The following DOCK4 variants were observed in gnomAD, a reference collection of about 807,000 sequenced individuals.
DOCK4 encodes dedicator of cytokinesis 4, also known as dedicator of cytokinesis protein 4.
A neutral mutation model predicts 268.1 loss-of-function variants in DOCK4; 97 were observed. That is an observed-to-expected ratio of 0.36 (90% CI 0.31 to 0.43). The LOEUF (loss-of-function observed/expected upper bound fraction) is 0.43. Among genes scored for constraint, DOCK4 ranks in the 20% least tolerant of loss-of-function variants. The probability of loss-of-function intolerance (pLI) is 1.00; values close to 1 mark genes in which losing one functional copy is unlikely to be tolerated. For missense variants in DOCK4, 2,145 were observed against 2,455.7 expected, an observed-to-expected ratio of 0.87 and a Z score of 2.67; for synonymous variants, 954 against 887.2, an observed-to-expected ratio of 1.08 and a Z score of -1.34.
intron 1 of DOCK4, among the ~76,000 whole-genome samples, chr7:112,118,707 G>A (rs905375811): frequency 1.3e-5 from 2 of 151,996 alleles, no homozygotes; most frequent in African/African-American, 4.8e-5. Flanking sequence ...CCAGTCCTGA[G>A]CCTGTCTTCA....
chr7:111,839,597 T>C (rs1803509746), intron 25 of DOCK4, among the ~76,000 whole-genome samples: 1 of 152,242 alleles, frequency 6.6e-6, no homozygotes, highest in South Asian at 2.1e-4. Flanking sequence ...ATCTGACTTA[T>C]GCCCATTGCA....
At chr7:111,942,446 G>C in intron 10 of DOCK4, among the ~76,000 whole-genome samples, 1 of 152,124 alleles carries the variant, frequency 6.6e-6, no homozygotes, top group Middle Eastern at 3.2e-3. Flanking sequence ...CAGTATGTCA[G>C]CATGTTCAGC....
intron 8 of DOCK4, among the ~76,000 whole-genome samples, chr7:111,963,210 T>C (rs934897401): frequency 4.6e-5 from 7 of 152,078 alleles, no homozygotes; most frequent in Non-Finnish European, 5.9e-5. Flanking sequence ...GGAGCCAAGA[T>C]GGCCGAATAG....
intron 1 of DOCK4, among the ~76,000 whole-genome samples, chr7:112,153,757 T>A (rs1816324253): frequency 6.6e-6 from 1 of 152,142 alleles, no homozygotes; most frequent in Non-Finnish European, 1.5e-5. Context: ...GAAGGACACA[T>A]TGTCCCAGCA....
At chr7:112,099,429 C>G (rs1810469731) in intron 1 of DOCK4, among the ~76,000 whole-genome samples, 1 of 151,770 alleles carries the variant, frequency 6.6e-6, no homozygotes, top group Middle Eastern at 3.2e-3. Flanking sequence ...TTCTCTTTAA[C>G]AGAAAAAAGT....
At chr7:111,874,491 A>G (rs1806679681) in intron 17 of DOCK4, among the ~76,000 whole-genome samples, 1 of 152,202 alleles carries the variant, frequency 6.6e-6, no homozygotes, top group South Asian at 2.1e-4. Flanking sequence ...ATGATGGAGC[A>G]TGTGGAAAAG....
At chr7:112,142,028 A>G (rs1814980650) in intron 1 of DOCK4, among the ~76,000 whole-genome samples, 1 of 152,188 alleles carries the variant, frequency 6.6e-6, no homozygotes, top group East Asian at 1.9e-4. Context: ...ATTTAACTCT[A>G]TGAAGAGCAA....
chr7:111,927,935 T>A (rs1793866440), intron 12 of DOCK4, among the ~76,000 whole-genome samples: 1 of 152,196 alleles, frequency 6.6e-6, no homozygotes, highest in African/African-American at 2.4e-5. Flanking sequence ...AACAAAGTGT[T>A]GCAGAGAAGA....
At chr7:112,191,548 G>C (rs1819953834) in intron 1 of DOCK4, among the ~76,000 whole-genome samples, 1 of 152,102 alleles carries the variant, frequency 6.6e-6, no homozygotes, top group Non-Finnish European at 1.5e-5. Flanking sequence ...ACATAATACT[G>C]GTATTAACAC....
intron 13 of DOCK4, among the ~76,000 whole-genome samples, chr7:111,902,761 T>G (rs1213522654): frequency 6.6e-6 from 1 of 150,790 alleles, no homozygotes; most frequent in Non-Finnish European, 1.5e-5. Flanking sequence ...TGTTTTCTTT[T>G]TTCTTTTCTT....
intron 1 of DOCK4, among the ~76,000 whole-genome samples, chr7:112,140,613 A>G (rs1466868012): frequency 6.6e-6 from 1 of 152,066 alleles, no homozygotes; most frequent in African/African-American, 2.4e-5. Context: ...AAAAAAAAAA[A>G]AAAGTTAAAA....
At chr7:111,879,159 C>T (rs1807166090) in intron 16 of DOCK4, among the ~76,000 whole-genome samples, 1 of 151,950 alleles carries the variant, frequency 6.6e-6, no homozygotes, top group Admixed American at 6.6e-5. Context: ...TAAGATAGGG[C>T]ACTGGGCAGA....
intron 1 of DOCK4, among the ~76,000 whole-genome samples, chr7:112,171,440 C>T (rs1818073104): frequency 9.1e-6 from 1 of 109,624 alleles, no homozygotes; most frequent in South Asian, 3.5e-4. Context: ...AACTTTTTTC[C>T]TTTATCTTTT....
At chr7:112,101,730 C>T (rs1269291898) in intron 1 of DOCK4, among the ~76,000 whole-genome samples, 1 of 152,202 alleles carries the variant, frequency 6.6e-6, no homozygotes, top group African/African-American at 2.4e-5. Context: ...CGTTCTTGAA[C>T]TTTCTGCTTT....
At chr7:112,081,115 C>A (rs918986908) in intron 1 of DOCK4, among the ~76,000 whole-genome samples, 4 of 151,990 alleles carry the variant, frequency 2.6e-5, no homozygotes, top group African/African-American at 7.2e-5. Flanking sequence ...AATACTGAGA[C>A]AGGAAGGCGG....
intron 42 of DOCK4, among the ~76,000 whole-genome samples, chr7:111,754,478 A>G (rs931605309): frequency 2.0e-5 from 3 of 152,214 alleles, no homozygotes; most frequent in African/African-American, 7.2e-5. Context: ...TATTTGCACA[A>G]TTGGCACACT....
chr7:111,759,363 T>C (rs1797236316), intron 40 of DOCK4, among the ~76,000 whole-genome samples: 1 of 152,182 alleles, frequency 6.6e-6, no homozygotes, highest in East Asian at 1.9e-4. Flanking sequence ...GGGTGTTTAG[T>C]TATAGTTTAT....
intron 13 of DOCK4, among the ~76,000 whole-genome samples, chr7:111,909,600 A>C (rs1214323673): frequency 1.3e-5 from 2 of 152,272 alleles, no homozygotes; most frequent in African/African-American, 4.8e-5. Context: ...TAAACAAATA[A>C]ATCCTCAGAT....
At position 112,173,235 on chromosome 7, in the gene DOCK4, G is replaced by A. The variant is rs74563034; in HGVS notation, c.37+32867C>T. Among the ~76,000 whole-genome samples the A allele has an allele frequency of 5.2e-3, 799 of 152,208 alleles. 9 individuals carry two copies. Among genetic ancestry groups the A allele is most frequent in the African/African-American group, 0.018 (755 of 41,528 alleles). ...ACAGCTAAAAAGCATGATTTCCCTC[G>A]TGCATTGTGTGAGAAAGAAATAGCA... is the stretch of plus-strand genomic sequence containing the variant. On this transcript the variant is annotated intron_variant, in intron 1 of 52. Coordinates refer to ENST00000428084, the MANE Select transcript of DOCK4 (RefSeq NM_001363540.2).
Sources: allele counts gnomAD v4.1 joint callset (sites outside exome capture counted in the v4.1 genomes callset), GRCh38; gene constraint gnomAD v4.1.1; transcripts MANE v1.5; gene names NCBI Gene and HGNC (gene_info 2026-07-23, HGNC 2026-07-21).